The following ANKRD44 variants were observed in gnomAD, a reference collection of about 807,000 sequenced individuals.
ANKRD44 encodes the protein serine/threonine-protein phosphatase 6 regulatory ankyrin repeat subunit B.
A neutral mutation model predicts 116.0 loss-of-function variants in ANKRD44; 35 were observed. The ratio of observed to expected loss-of-function variants is 0.30; its 90% CI spans 0.23 to 0.40. The LOEUF (loss-of-function observed/expected upper bound fraction) is 0.40, where lower values mean the gene tolerates loss of function less well. Among genes scored for constraint, ANKRD44 ranks in the 10% least tolerant of loss-of-function variants. The probability of loss-of-function intolerance (pLI) is 1.00; values close to 1 mark genes in which losing one functional copy is unlikely to be tolerated. For missense variants in ANKRD44, 1,014 were observed against 1,242.6 expected (o/e 0.82, Z 2.77); for synonymous variants, 435 against 461.8 (o/e 0.94, Z 0.74).
At chr2:196,999,130 A>G in intron 23 of ANKRD44, 78 bp from the exon 24 acceptor site, 1 of 1,522,318 alleles carries the variant, frequency 6.6e-7, no homozygotes, top group Admixed American at 1.9e-5. Context: ...AAACATGCAC[A>G]AGGTGTTGTC....
chr2:197,038,040 T>G (rs918243622), intron 16 of ANKRD44, among the ~76,000 whole-genome samples: 1 of 152,140 alleles, frequency 6.6e-6, no homozygotes, highest in African/African-American at 2.4e-5. Context: ...GACAGAGCAG[T>G]GAACACACTC....
At chr2:197,076,990 A>G (rs569368725) in intron 16 of ANKRD44, among the ~76,000 whole-genome samples, 8 of 152,212 alleles carry the variant, frequency 5.3e-5, no homozygotes, top group Non-Finnish European at 1.2e-4. Flanking sequence ...CTTTATGGTT[A>G]GAATGATTTA....
chr2:197,110,433 G>C (rs755809717), intron 9 of ANKRD44, among the ~76,000 whole-genome samples: 6 of 152,160 alleles, frequency 3.9e-5, no homozygotes, highest in Non-Finnish European at 8.8e-5. Context: ...ATTTGTTGCT[G>C]GAAAATGAAT....
At chr2:197,267,651 T>C (rs1372853134) in intron 1 of ANKRD44, among the ~76,000 whole-genome samples, 3 of 152,346 alleles carry the variant, frequency 2.0e-5, no homozygotes, top group Non-Finnish European at 2.9e-5. Context: ...TAAGAGGCAC[T>C]TGCTCCATGA....
chr2:197,037,074 T>G (rs1479944699), intron 16 of ANKRD44, among the ~76,000 whole-genome samples: 1 of 152,246 alleles, frequency 6.6e-6, no homozygotes, highest in East Asian at 1.9e-4. Context: ...TCAATGTTAC[T>G]TAACAGATGT....
chr2:197,154,148 C>T (rs950071462), intron 2 of ANKRD44, among the ~76,000 whole-genome samples: 2 of 150,696 alleles, frequency 1.3e-5, no homozygotes, highest in Admixed American at 6.6e-5. Context: ...CTAACATCCT[C>T]GCCAATATCT....
At chr2:197,124,068 G>A (rs933054193) in intron 6 of ANKRD44, among the ~76,000 whole-genome samples, 6 of 152,018 alleles carry the variant, frequency 3.9e-5, no homozygotes, top group Non-Finnish European at 8.8e-5. Context: ...GTGTGTGTTC[G>A]GCCTACACAG....
intron 2 of ANKRD44, among the ~76,000 whole-genome samples, chr2:197,158,236 T>C (rs1425533860): frequency 2.6e-5 from 4 of 152,180 alleles, no homozygotes; most frequent in African/African-American, 7.2e-5. Context: ...TTCACAATTG[T>C]TCTATGCATG....
In ANKRD44 at chr2:196,988,842, G is replaced by T. The variant is rs952605561; in HGVS notation, c.*749C>A. 39 of 985,284 alleles carry T rather than the reference G, an allele frequency of 4.0e-5. No individual in the cohort carries two copies. Among genetic ancestry groups the T allele is most frequent in the Non-Finnish European group, 4.3e-5 (36 of 829,936 alleles). 61.0% of individuals were successfully genotyped at this position (985,284 alleles called of 1,614,324 possible). The stretch of plus-strand genomic sequence containing the variant: ...TGCCATCATTTCTCATCAGGTTACT[G>T]AGACTATGTGAGCTTTTCAGTGTAC... On this transcript the variant is annotated 3_prime_UTR_variant, in exon 28 of 28. Coordinates refer to ENST00000282272, the MANE Select transcript of ANKRD44 (RefSeq NM_001195144.2).
chr2:197,234,578 C>A (rs1479576496), intron 1 of ANKRD44, among the ~76,000 whole-genome samples: 2 of 152,126 alleles, frequency 1.3e-5, no homozygotes, highest in African/African-American at 4.8e-5. Context: ...TTAAAATTTT[C>A]TAGATTTTTC....
chr2:197,251,165 G>A (rs555017692), intron 1 of ANKRD44, among the ~76,000 whole-genome samples: 5 of 152,042 alleles, frequency 3.3e-5, no homozygotes, highest in East Asian at 1.9e-4. Flanking sequence ...TATAATACAC[G>A]TATTTACATT....
chr2:197,284,605 G>T (rs1162281314), intron 1 of ANKRD44, among the ~76,000 whole-genome samples: 1 of 151,858 alleles, frequency 6.6e-6, no homozygotes, highest in Non-Finnish European at 1.5e-5. Flanking sequence ...CATTATTAGA[G>T]CCAGGCGTGG....
At chr2:197,133,557 T>G (rs1261912419) in intron 4 of ANKRD44, among the ~76,000 whole-genome samples, 1 of 152,228 alleles carries the variant, frequency 6.6e-6, no homozygotes, top group African/African-American at 2.4e-5. Flanking sequence ...ACAGACAGTA[T>G]AGAGTTTATA....
chr2:197,156,278 G>A (rs1054588544), intron 2 of ANKRD44, among the ~76,000 whole-genome samples: 16 of 151,954 alleles, frequency 1.1e-4, no homozygotes, highest in African/African-American at 3.4e-4. Context: ...CCCGGGAGGC[G>A]GAGCTTGCAG....
At chr2:197,182,117 T>C (rs2080522262) in intron 2 of ANKRD44, among the ~76,000 whole-genome samples, 1 of 152,244 alleles carries the variant, frequency 6.6e-6, no homozygotes, top group South Asian at 2.1e-4. Context: ...ATAAAATCTC[T>C]GCCTTCCAAA....
At chr2:197,090,791 C>G (rs2078026444) in intron 10 of ANKRD44, among the ~76,000 whole-genome samples, 1 of 152,164 alleles carries the variant, frequency 6.6e-6, no homozygotes, top group Non-Finnish European at 1.5e-5. Flanking sequence ...GGCTGAACGT[C>G]AGAGAGAAGC....
chr2:197,023,854 T>C (rs2076542398), intron 17 of ANKRD44, among the ~76,000 whole-genome samples: 2 of 152,224 alleles, frequency 1.3e-5, no homozygotes, highest in Non-Finnish European at 2.9e-5. Context: ...TATGTATAAA[T>C]ATCCCACTAT....
At chr2:197,078,915 T>A in intron 15 of ANKRD44, 101 bp from the exon 16 acceptor site, 1 of 1,251,312 alleles carries the variant, frequency 8.0e-7, no homozygotes, top group Non-Finnish European at 1.1e-6. Flanking sequence ...TGAAGTACTT[T>A]ATGAGTTTGT....
chr2:197,294,337 T>G (rs1445740679), intron 1 of ANKRD44, among the ~76,000 whole-genome samples: 1 of 152,154 alleles, frequency 6.6e-6, no homozygotes, highest in African/African-American at 2.4e-5. Context: ...GTTTCACTTC[T>G]GAGAAAAGTG....
Sources: gnomAD v4.1 joint callset for allele counts (sites outside exome capture counted in the v4.1 genomes callset) on GRCh38, gnomAD v4.1.1 for gene constraint, MANE v1.5 for transcripts, NCBI Gene and HGNC (gene_info 2026-07-23, HGNC 2026-07-21) for gene names.